The following TNKS variants were observed in gnomAD, a reference collection of about 807,000 sequenced individuals.
The protein encoded by TNKS is tankyrase.
TNKS carries 72 observed loss-of-function variants against 135.8 expected under a neutral mutation model. That is an observed-to-expected ratio of 0.53 (90% CI 0.44 to 0.64). The LOEUF (loss-of-function observed/expected upper bound fraction) is 0.64. Ranked by LOEUF, TNKS falls within the 30% of genes least tolerant of loss-of-function variation. The probability of loss-of-function intolerance (pLI) is 0.00; values close to 1 mark genes in which losing one functional copy is unlikely to be tolerated. For missense variants in TNKS, 1,769 were observed against 1,674.0 expected (o/e 1.06, Z -0.99); for synonymous variants, 849 against 649.3 (o/e 1.31, Z -4.68).
chr8:9,606,835 C>A (rs1013996745), intron 2 of TNKS, among the ~76,000 whole-genome samples: 2 of 152,104 alleles, frequency 1.3e-5, no homozygotes, highest in Admixed American at 1.3e-4. Flanking sequence ...TTTAGCAGAT[C>A]ACCTTATTGC....
intron 3 of TNKS, among the ~76,000 whole-genome samples, chr8:9,627,090 A>G (rs1351383499): frequency 6.6e-6 from 1 of 152,130 alleles, no homozygotes; most frequent in African/African-American, 2.4e-5. Flanking sequence ...TAGTTTAATC[A>G]GTTGTGCCTA....
At chr8:9,723,544 T>G (rs927865459) in intron 12 of TNKS, among the ~76,000 whole-genome samples, 3 of 152,206 alleles carry the variant, frequency 2.0e-5, no homozygotes, top group Admixed American at 2.0e-4. Context: ...CTAACATCAA[T>G]GTAAAGAAAA....
chr8:9,708,640 C>G, intron 9 of TNKS, 148 bp downstream of exon 9: 1 of 864,828 alleles, frequency 1.2e-6, no homozygotes, highest in Non-Finnish European at 1.6e-6. Context: ...GATTTTTAAA[C>G]TTAGTTTGGG....
chr8:9,584,671 G>C (rs1309341837), intron 2 of TNKS, among the ~76,000 whole-genome samples: 1 of 152,178 alleles, frequency 6.6e-6, no homozygotes, highest in Non-Finnish European at 1.5e-5. Context: ...GTTGCAGAAT[G>C]GGGCTTCTAA....
chr8:9,660,707 A>G (rs931028525), intron 3 of TNKS, among the ~76,000 whole-genome samples: 2 of 152,168 alleles, frequency 1.3e-5, no homozygotes, highest in African/African-American at 4.8e-5. Context: ...CACCAGTCCT[A>G]TTCAACATAG....
At chr8:9,632,842 G>C (rs957645651) in intron 3 of TNKS, among the ~76,000 whole-genome samples, 12 of 152,130 alleles carry the variant, frequency 7.9e-5, no homozygotes, top group Non-Finnish European at 7.4e-5. Flanking sequence ...CCATTCTCCT[G>C]CCTCAGCCTC....
intron 3 of TNKS, among the ~76,000 whole-genome samples, chr8:9,637,869 A>G (rs1800571135): frequency 6.6e-6 from 1 of 152,214 alleles, no homozygotes; most frequent in South Asian, 2.1e-4. Flanking sequence ...TATATGTACT[A>G]CTATCACCAA....
intron 5 of TNKS, among the ~76,000 whole-genome samples, chr8:9,692,686 C>T (rs1803334608): frequency 6.6e-6 from 1 of 152,190 alleles, no homozygotes; most frequent in Non-Finnish European, 1.5e-5. Context: ...AGGAGTCATA[C>T]TTTTTGATAA....
At chr8:9,672,578 C>T (rs1003195395) in intron 3 of TNKS, among the ~76,000 whole-genome samples, 2 of 149,412 alleles carry the variant, frequency 1.3e-5, no homozygotes, top group African/African-American at 4.9e-5. Context: ...AAACTATTGC[C>T]AAGTTGTTTT....
At chr8:9,668,382 C>G (rs926528071) in intron 3 of TNKS, among the ~76,000 whole-genome samples, 3 of 152,162 alleles carry the variant, frequency 2.0e-5, no homozygotes, top group Non-Finnish European at 2.9e-5. Flanking sequence ...AACATACACT[C>G]AAATTTTGCC....
chr8:9,588,342 T>G (rs933887040), intron 2 of TNKS, among the ~76,000 whole-genome samples: 1 of 152,140 alleles, frequency 6.6e-6, no homozygotes, highest in African/African-American at 2.4e-5. Flanking sequence ...TGGCGGGATC[T>G]AGGCTCACTG....
chr8:9,659,358 A>G (rs1001731435), intron 3 of TNKS, among the ~76,000 whole-genome samples: 19 of 152,226 alleles, frequency 1.2e-4, no homozygotes, highest in Middle Eastern at 3.2e-3. Context: ...CAGCAAATGT[A>G]AAAGAACAGA....
intron 26 of TNKS, among the ~76,000 whole-genome samples, chr8:9,776,305 C>A (rs187472845): frequency 1.9e-4 from 29 of 152,192 alleles, no homozygotes; most frequent in African/African-American, 6.3e-4. Context: ...ATTGAACACA[C>A]GCTGTGTGAC....
At chr8:9,602,356 G>A (rs1384642821) in intron 2 of TNKS, among the ~76,000 whole-genome samples, 5 of 152,154 alleles carry the variant, frequency 3.3e-5, no homozygotes, top group Non-Finnish European at 7.3e-5. Context: ...GGACTGCACT[G>A]AGAGTTGTGG....
chr8:9,719,610 A>G (rs1222026182), intron 11 of TNKS, among the ~76,000 whole-genome samples: 2 of 152,210 alleles, frequency 1.3e-5, no homozygotes, highest in Non-Finnish European at 2.9e-5. Flanking sequence ...AGGAGCCATA[A>G]AGGCAGAAAG....
intron 2 of TNKS, among the ~76,000 whole-genome samples, chr8:9,581,280 A>C (rs1015456553): frequency 6.6e-6 from 1 of 152,178 alleles, no homozygotes; most frequent in Non-Finnish European, 1.5e-5. Context: ...ATATTCCTCA[A>C]ATTATTGCAA....
At chr8:9,718,908 T>C (rs1432243086) in intron 11 of TNKS, among the ~76,000 whole-genome samples, 2 of 152,196 alleles carry the variant, frequency 1.3e-5, no homozygotes, top group African/African-American at 4.8e-5. Context: ...CTTCAATAAG[T>C]TGGATTGGGA....
chr8:9,708,473 A>T lies in TNKS; in HGVS notation c.1559A>T (p.Gln520Leu). The T allele has an allele frequency of 1.9e-6, 3 of 1,607,046 alleles. No homozygotes were observed. The highest frequency in any genetic ancestry group is 2.5e-6 in the Non-Finnish European group (3 of 1,176,600). Reference protein sequence around the residue: ...ALEIINFKQPQSHETALHCAV... With the variant: ...ALEIINFKQPLSHETALHCAV... ...GAAATCATTAATTTCAAACAACCGC[A>T]GTCTCATGAAACAGCACTGGTAAGA... Residue 520 changes from glutamine (Q) to leucine (L), a missense_variant, in exon 9 of 27, where the codon CAG becomes CTG. Gln to Leu is a moderately radical substitution (Grantham distance 113, BLOSUM62 -2). This residue lies in a region of TNKS where 523 missense variants were observed against 541.0 expected (regional missense o/e 0.97). Coordinates refer to ENST00000310430, the MANE Select transcript of TNKS (RefSeq NM_003747.3).
intron 2 of TNKS, among the ~76,000 whole-genome samples, chr8:9,611,168 G>C (rs977221139): frequency 6.6e-6 from 1 of 152,118 alleles, no homozygotes; most frequent in South Asian, 2.1e-4. Flanking sequence ...GTCTTACCTC[G>C]AAAGGAGATG....
Sources: allele counts gnomAD v4.1 joint callset (sites outside exome capture counted in the v4.1 genomes callset), GRCh38; gene constraint gnomAD v4.1.1; regional missense constraint gnomAD v4.1.1; transcripts MANE v1.5; gene names NCBI Gene and HGNC (gene_info 2026-07-23, HGNC 2026-07-21).